ANKRD30A: variants seen among roughly 807,000 people sequenced by gnomAD.
The protein encoded by ANKRD30A is ankyrin repeat domain 30A.
In ANKRD30A, 170 loss-of-function variants were observed where a neutral mutation model predicts 166.3. That is an observed-to-expected ratio of 1.02 (90% CI 0.90 to 1.16). The LOEUF is 1.16. Among genes scored for constraint, ANKRD30A ranks in the 50% most tolerant of loss-of-function variants. The pLI, the probability that ANKRD30A is intolerant of heterozygous loss-of-function variation, is 0.00. For missense variants in ANKRD30A, 1,630 were observed against 1,518.0 expected (o/e 1.07, Z -1.23); for synonymous variants, 564 against 508.9 (o/e 1.11, Z -1.46).
the ANKRD30A span, among the ~76,000 whole-genome samples, chr10:37,251,042 G>T: frequency 5.3e-5 from 8 of 152,156 alleles, no homozygotes; most frequent in African/African-American, 1.9e-4. Flanking sequence ...AAGTGAGGGA[G>T]GACTTTATCA....
At chr10:37,149,431 A>C (rs1837746337) in intron 9 of ANKRD30A, among the ~76,000 whole-genome samples, 1 of 152,040 alleles carries the variant, frequency 6.6e-6, no homozygotes, top group African/African-American at 2.4e-5. Context: ...TCTCGCTTTG[A>C]AGTCTTAACT....
chr10:37,166,885 C>A (rs1782112), intron 19 of ANKRD30A, among the ~76,000 whole-genome samples, 190 bp downstream of exon 19: 33 of 151,966 alleles, frequency 2.2e-4, no homozygotes, highest in East Asian at 5.8e-4. Context: ...AGTGCTGAAG[C>A]GGAGCTGAAT....
At chr10:37,236,986 A>G (rs567508919), downstream of ANKRD30A, among the ~76,000 whole-genome samples, 1 of 152,328 alleles carries the variant, frequency 6.6e-6, no homozygotes, top group East Asian at 1.9e-4. Context: ...ATGTTATGAT[A>G]TTAGTTTCTA....
intron 34 of ANKRD30A, among the ~76,000 whole-genome samples, chr10:37,223,239 T>C (rs956737549): frequency 6.6e-5 from 10 of 151,172 alleles, no homozygotes; most frequent in African/African-American, 2.4e-4. Context: ...ATAAACCCAT[T>C]ATAAGTTGAG....
chr10:37,138,644 GAATGA>G (rs1228112658), intron 6 of ANKRD30A, among the ~76,000 whole-genome samples: 2 of 152,128 alleles, frequency 1.3e-5, no homozygotes, highest in Non-Finnish European at 2.9e-5. Flanking sequence ...AAGATCAAAT[GAATGA>G]AATGAAGTGA....
intron 32 of ANKRD30A, 30 bp downstream of exon 32, chr10:37,216,424 T>TCCTCACA: frequency 1.3e-6 from 2 of 1,553,244 alleles, no homozygotes; most frequent in African/African-American, 1.4e-5. Context: ...AATAAATATT[T>TCCTCACA]CAGCTATTTA....
chr10:37,204,291 T>A (rs1841842210), intron 31 of ANKRD30A, among the ~76,000 whole-genome samples: 1 of 151,878 alleles, frequency 6.6e-6, no homozygotes, highest in Non-Finnish European at 1.5e-5. Flanking sequence ...AAAACAGAGA[T>A]ATAGATGAAT....
At chr10:37,137,928 T>A (rs1440272319) in intron 6 of ANKRD30A, among the ~76,000 whole-genome samples, 1 of 152,130 alleles carries the variant, frequency 6.6e-6, no homozygotes, top group South Asian at 2.1e-4. Flanking sequence ...ACAGACTGCC[T>A]CCTCAAGTGG....
At chr10:37,142,326 G>A in intron 7 of ANKRD30A, 36 bp downstream of exon 7, 2 of 1,534,698 alleles carry the variant, frequency 1.3e-6, no homozygotes, top group Non-Finnish European at 8.7e-7. Context: ...AGGTTTATTG[G>A]CACTTCAGGT....
chr10:37,191,304 C>G (rs945270420), intron 25 of ANKRD30A, among the ~76,000 whole-genome samples: 21 of 151,898 alleles, frequency 1.4e-4, no homozygotes, highest in Non-Finnish European at 2.5e-4. Context: ...TAATATTATG[C>G]TCTAAATATA....
intron 5 of ANKRD30A, among the ~76,000 whole-genome samples, chr10:37,134,691 G>A (rs1359140298): frequency 2.6e-5 from 4 of 152,172 alleles, no homozygotes; most frequent in South Asian, 2.1e-4. Context: ...AGCCACACAC[G>A]TAGTGAGCAA....
the ANKRD30A span, among the ~76,000 whole-genome samples, chr10:37,257,410 C>T: frequency 1.3e-5 from 2 of 150,356 alleles, no homozygotes; most frequent in Admixed American, 6.6e-5. Context: ...CAGTTCTACT[C>T]TGTTCTTTGT....
intron 31 of ANKRD30A, among the ~76,000 whole-genome samples, chr10:37,209,920 T>C (rs1842195584): frequency 6.6e-6 from 1 of 152,114 alleles, no homozygotes; most frequent in African/African-American, 2.4e-5. Flanking sequence ...AAAAATTTCC[T>C]TTGAACCTTT....
chr10:37,221,181 C>T (rs75594366), intron 34 of ANKRD30A, among the ~76,000 whole-genome samples: 1,978 of 150,206 alleles, frequency 0.013, 32 homozygotes, highest in African/African-American at 0.046. Context: ...CTTCTTGTCT[C>T]CTTAAGTGGA....
At chr10:37,213,212 C>T (rs1384253663) in intron 31 of ANKRD30A, among the ~76,000 whole-genome samples, 1 of 151,828 alleles carries the variant, frequency 6.6e-6, no homozygotes, top group Admixed American at 6.6e-5. Context: ...TGAATTCTCA[C>T]CATTGTGGAA....
chr10:37,143,676 G>A (rs1371489433), intron 7 of ANKRD30A, among the ~76,000 whole-genome samples: 1 of 152,050 alleles, frequency 6.6e-6, no homozygotes, highest in Non-Finnish European at 1.5e-5. Flanking sequence ...AAAATGTTAG[G>A]CCATGTGGTC....
At chr10:37,158,180 T>C (rs1838528309) in intron 13 of ANKRD30A, among the ~76,000 whole-genome samples, 2 of 152,152 alleles carry the variant, frequency 1.3e-5, no homozygotes, top group African/African-American at 2.4e-5. Context: ...TCACAGCATG[T>C]TTGATGAAAT....
chr10:37,192,467 A>G (rs1840674018), intron 25 of ANKRD30A, among the ~76,000 whole-genome samples: 1 of 151,952 alleles, frequency 6.6e-6, no homozygotes, highest in African/African-American at 2.4e-5. Flanking sequence ...AGGTACAAAA[A>G]TGAATATATT....
At chr10:37,152,578 A>G (rs1360110476) in intron 12 of ANKRD30A, among the ~76,000 whole-genome samples, 1 of 152,148 alleles carries the variant, frequency 6.6e-6, no homozygotes, top group East Asian at 1.9e-4. Context: ...GTATTGACAT[A>G]TGTTTATTGT....
Sources: gnomAD v4.1 joint callset for allele counts (sites outside exome capture counted in the v4.1 genomes callset) on GRCh38, gnomAD v4.1.1 for gene constraint, MANE v1.5 for transcripts, NCBI Gene and HGNC (gene_info 2026-07-23, HGNC 2026-07-21) for gene names.